XKR4: variants seen among roughly 807,000 people sequenced by gnomAD.
XKR4 encodes the protein XK related 4, also known as XK-related protein 4.
A neutral mutation model predicts 53.9 loss-of-function variants in XKR4; 12 were observed. The ratio of observed to expected loss-of-function variants is 0.22; its 90% CI spans 0.14 to 0.36. The LOEUF (loss-of-function observed/expected upper bound fraction) is 0.36. Among genes scored for constraint, XKR4 ranks in the 10% least tolerant of loss-of-function variants. The probability of loss-of-function intolerance (pLI) is 1.00; values close to 1 mark genes in which losing one functional copy is unlikely to be tolerated. For synonymous variants in XKR4, 354 were observed against 362.4 expected (o/e 0.98, Z 0.26); for missense variants, 799 against 859.5 (o/e 0.93, Z 0.88).
At chr8:55,187,681 G>A (rs1385295667) in intron 1 of XKR4, among the ~76,000 whole-genome samples, 1 of 152,078 alleles carries the variant, frequency 6.6e-6, no homozygotes, top group Non-Finnish European at 1.5e-5. Flanking sequence ...TCTCTGTTTG[G>A]GGATGTTTTA....
At chr8:55,123,453 T>C (rs1585890459) in intron 1 of XKR4, among the ~76,000 whole-genome samples, 1 of 151,864 alleles carries the variant, frequency 6.6e-6, no homozygotes, top group Non-Finnish European at 1.5e-5. Flanking sequence ...GTGGAAGGAG[T>C]GGATTTCTGC....
intron 1 of XKR4, among the ~76,000 whole-genome samples, chr8:55,138,155 C>T (rs1411713842): frequency 6.6e-6 from 1 of 152,050 alleles, no homozygotes; most frequent in African/African-American, 2.4e-5. Flanking sequence ...ATGCTCAGTC[C>T]AGAGGGTTCC....
chr8:55,343,312 G>A (rs1803585084), intron 1 of XKR4, among the ~76,000 whole-genome samples: 1 of 152,148 alleles, frequency 6.6e-6, no homozygotes, highest in South Asian at 2.1e-4. Context: ...GATGGTGAAA[G>A]CTTTTCGCCC....
rs1054674943 is a variant in XKR4, at chr8:55,535,688, A to T, written c.*11461A>T. Reference sequence around the variant, plus strand: ...TATGGTGATGAAGAGAAAACCTGTCAGTGGCTCATCCATAGTATTTGCCTT... The same window carrying T: ...TATGGTGATGAAGAGAAAACCTGTCTGTGGCTCATCCATAGTATTTGCCTT... On this transcript the variant is annotated 3_prime_UTR_variant, in exon 3 of 3. Transcript: ENST00000327381. 3.9e-5 allele frequency: 6 copies of T among 152,270 alleles called. No individual in the cohort carries two copies. The highest frequency in any genetic ancestry group is 2.0e-4 in the Admixed American group (3 of 15,288). The allele number at this position is 152,270 out of a possible 1,614,324, so 9.4% of individuals were successfully genotyped here. A position where few individuals can be genotyped will look rare whatever the true frequency, so the allele number is the denominator to read the frequency against.
intron 2 of XKR4, among the ~76,000 whole-genome samples, chr8:55,360,897 G>T (rs1803893825): frequency 6.6e-6 from 1 of 152,226 alleles, no homozygotes; most frequent in African/African-American, 2.4e-5. Context: ...CATGCTGGAG[G>T]CTGACAGGCC....
chr8:55,460,417 G>T (rs1312048702), intron 2 of XKR4, among the ~76,000 whole-genome samples: 1 of 152,164 alleles, frequency 6.6e-6, no homozygotes, highest in African/African-American at 2.4e-5. Context: ...GGATATTATG[G>T]CTTTAAATTA....
intron 1 of XKR4, among the ~76,000 whole-genome samples, chr8:55,214,905 C>T (rs1817780200): frequency 6.6e-6 from 1 of 152,100 alleles, no homozygotes; most frequent in Admixed American, 6.5e-5. Flanking sequence ...ATGAAATACA[C>T]ATATAAAAGA....
At position 55,533,214 on chromosome 8, in the gene XKR4, T is replaced by C. The variant is rs574567356; in HGVS notation, c.*8987T>C. On this transcript the variant is annotated 3_prime_UTR_variant, in exon 3 of 3. Transcript: ENST00000327381. The stretch of plus-strand genomic sequence containing the variant: ...TCTAGAAAATGAGCACTTTGTGTGT[T>C]GAGCGCTGTTGCATTCACTTAGCAA... 6.6e-6 allele frequency: 1 copy of C among 152,336 alleles called. No individual in the cohort carries two copies. Among genetic ancestry groups the C allele is most frequent in the South Asian group, 2.1e-4 (1 of 4,832 alleles). 9.4% of individuals were successfully genotyped at this position (152,336 alleles called of 1,614,324 possible).
At chr8:55,423,631 C>A (rs1319887481) in intron 2 of XKR4, among the ~76,000 whole-genome samples, 1 of 152,174 alleles carries the variant, frequency 6.6e-6, no homozygotes, top group Non-Finnish European at 1.5e-5. Flanking sequence ...ACAGTATGAG[C>A]CTCAACTTAT....
chr8:55,183,412 A>G (rs568811351), intron 1 of XKR4, among the ~76,000 whole-genome samples: 1 of 151,772 alleles, frequency 6.6e-6, no homozygotes, highest in South Asian at 2.1e-4. Flanking sequence ...GTGCCCATAA[A>G]TTTTTATGAT....
intron 2 of XKR4, among the ~76,000 whole-genome samples, chr8:55,396,388 TTTTTTGTTTGG>T (rs1804518135): frequency 8.3e-6 from 1 of 120,598 alleles, no homozygotes; most frequent in African/African-American, 3.4e-5. Flanking sequence ...TTTGTGTTTT[TTTTTTGTTTGG>T]TTTTTTTTTT....
At chr8:55,287,048 C>A (rs1818916122) in intron 1 of XKR4, among the ~76,000 whole-genome samples, 1 of 146,012 alleles carries the variant, frequency 6.8e-6, no homozygotes, top group Admixed American at 7.0e-5. Context: ...TTTCTGTAGA[C>A]CATTGAAACT....
intron 1 of XKR4, among the ~76,000 whole-genome samples, chr8:55,356,090 G>A (rs1307456106): frequency 6.6e-6 from 1 of 152,164 alleles, no homozygotes; most frequent in Non-Finnish European, 1.5e-5. Flanking sequence ...CAGACAGCAA[G>A]CTCCAGACAA....
chr8:55,454,355 G>A (rs981866612), intron 2 of XKR4: 5 of 1,507,644 alleles, frequency 3.3e-6, no homozygotes, highest in East Asian at 2.3e-5. Flanking sequence ...CAGCTGGGCC[G>A]GCAGGATGGG....
rs111240523 is a variant in XKR4 at position 55,367,758 on chromosome 8, T to C, written c.1006+9881T>C. Among the ~76,000 whole-genome samples, 309 of 152,240 alleles carry C rather than the reference T, an allele frequency of 2.0e-3. 2 individuals are homozygous for C. Among genetic ancestry groups the C allele is most frequent in the African/African-American group, 7.2e-3 (299 of 41,524 alleles). ...CATTCTTCTTTTTCCTCACCCCCGA[T>C]CCAGTCCATCAGCAAGTCCTGTGTG... On this transcript the variant is annotated intron_variant, in intron 2 of 2. Transcript: ENST00000327381.
chr8:55,258,093 G>T (rs146943033), intron 1 of XKR4, among the ~76,000 whole-genome samples: 111 of 152,288 alleles, frequency 7.3e-4, no homozygotes, highest in African/African-American at 2.6e-3. Flanking sequence ...AAAAAAACAG[G>T]GTACCTATGA....
At chr8:55,454,472 A>G (rs1364889516) in intron 2 of XKR4, 1 of 1,187,928 alleles carries the variant, frequency 8.4e-7, no homozygotes, top group Non-Finnish European at 1.2e-6. Context: ...CTCGTGCTCC[A>G]TGAGGGTGGC....
Position 55,438,731 on chromosome 8 carries a change from G to A in XKR4, c.1006+80854G>A, listed in dbSNP as rs142223114. Among the ~76,000 whole-genome samples the A allele has an allele frequency of 5.5e-3, 832 of 152,158 alleles. 5 individuals carry two copies. Among genetic ancestry groups the A allele is most frequent in the Middle Eastern group, 0.017 (5 of 294 alleles). ...TTATATAAAGAAAGAAAACCCTCTGGTATGAAAACTCATAAAATGTTATAT... is the reference window on the plus strand; with the variant it reads ...TTATATAAAGAAAGAAAACCCTCTGATATGAAAACTCATAAAATGTTATAT... On this transcript the variant is annotated intron_variant, in intron 2 of 2. Transcript: ENST00000327381.
At chr8:55,499,939 C>T (rs1040972727) in intron 2 of XKR4, among the ~76,000 whole-genome samples, 6 of 152,220 alleles carry the variant, frequency 3.9e-5, no homozygotes, top group Middle Eastern at 3.4e-3. Flanking sequence ...ACAGAGTATG[C>T]ATACCTCTTG....
Sources: gnomAD v4.1 joint callset for allele counts (sites outside exome capture counted in the v4.1 genomes callset) on GRCh38, gnomAD v4.1.1 for gene constraint, MANE v1.5 for transcripts, NCBI Gene and HGNC (gene_info 2026-07-23, HGNC 2026-07-21) for gene names.